Variants in DCHS2 observed in about 807,000 individuals in gnomAD.
DCHS2 encodes dachsous cadherin-related 2.
A neutral mutation model predicts 182.4 loss-of-function variants in DCHS2; 142 were observed. The observed-to-expected ratio is 0.78, with a 90% CI of 0.68 to 0.89. DCHS2 has a LOEUF of 0.89. Ranked by LOEUF, DCHS2 falls within the 40% of genes least tolerant of loss-of-function variation. DCHS2 has a pLI of 0.00. For missense variants in DCHS2, 4,319 were observed against 4,198.6 expected, an observed-to-expected ratio of 1.03 and a Z score of -0.79; for synonymous variants, 1,740 against 1,663.3, an observed-to-expected ratio of 1.05 and a Z score of -1.12.
Position 154,431,516 on chromosome 4 carries a change from T to C in DCHS2, c.2053-54072A>G, listed in dbSNP as rs1733558788. On this transcript the variant is annotated intron_variant, in intron 1 of 19. Transcript: ENST00000357232. ...TTATATTTTCTTATTCCTTATATTA[T>C]TGTATATAGGAATACTCCTGAGTTT... Among the ~76,000 whole-genome samples, 3 of 152,158 alleles carry C rather than the reference T, an allele frequency of 2.0e-5. No individual in the cohort carries two copies. In the South Asian group the frequency reaches 6.2e-4, roughly 31 times the overall value.
At chr4:154,376,015 A>C (rs1730874871) in intron 2 of DCHS2, among the ~76,000 whole-genome samples, 1 of 152,146 alleles carries the variant, frequency 6.6e-6, no homozygotes. Flanking sequence ...AAGTTAAAAA[A>C]ATTGGTATAC....
chr4:154,487,370 A>G (rs1210480434), intron 1 of DCHS2, among the ~76,000 whole-genome samples: 1 of 152,192 alleles, frequency 6.6e-6, no homozygotes, highest in African/African-American at 2.4e-5. Flanking sequence ...AGTCACTCTC[A>G]GGCCTGGCTC....
chr4:154,319,656 T>TAAAAAA (rs59154846), intron 9 of DCHS2, among the ~76,000 whole-genome samples: 7 of 116,940 alleles, frequency 6.0e-5, no homozygotes, highest in Non-Finnish European at 8.8e-5. Context: ...TGGCTGTTAC[T>TAAAAAA]AAAAAAAAAA....
chr4:154,239,368 A>G, intron 18 of DCHS2, 66 bp from the exon 19 acceptor site: 1 of 1,597,754 alleles, frequency 6.3e-7, no homozygotes, highest in South Asian at 1.1e-5. Flanking sequence ...ACCAACAGGG[A>G]CAGAACATGA....
chr4:154,240,637 A>G lies in DCHS2; in HGVS notation c.7259T>C (p.Ile2420Thr), dbSNP rs1731771423. The change falls in exon 18 of 20, where the codon ATC becomes ACC. Residue 2420 changes from isoleucine to threonine, a missense_variant. Physicochemically the swap from Ile to Thr is moderately conservative, Grantham distance 89. Transcript: ENST00000357232. Reference protein sequence around the residue: ...FEEMTEYELLIQISDSVHYTE... With the variant: ...FEEMTEYELLTQISDSVHYTE... ...GTAGTGCACTGAATCAGAAATTTGG[A>G]TGAGCAGCTCATATTCAGTCATTTC... 6.2e-7 allele frequency: 1 copy of G among 1,613,954 alleles called. No individual in the cohort carries two copies. The highest frequency in any genetic ancestry group is 2.2e-5 in the East Asian group (1 of 44,832).
At chr4:154,360,996 G>A (rs1730092604) in intron 3 of DCHS2, among the ~76,000 whole-genome samples, 1 of 152,154 alleles carries the variant, frequency 6.6e-6, no homozygotes, top group African/African-American at 2.4e-5. Flanking sequence ...AACACGGCCT[G>A]CTGCATCATA....
At chr4:154,351,628 T>C (rs1435637114) in intron 3 of DCHS2, among the ~76,000 whole-genome samples, 3 of 152,112 alleles carry the variant, frequency 2.0e-5, no homozygotes, top group African/African-American at 7.2e-5. Context: ...TGGAAGACAA[T>C]TTTTCCACAG....
chr4:154,259,899 T>A, intron 14 of DCHS2, 143 bp from the exon 15 acceptor site: 2 of 986,632 alleles, frequency 2.0e-6, no homozygotes, highest in Non-Finnish European at 2.8e-6. Flanking sequence ...CTCGGCTCAC[T>A]GCAACCTACG....
At chr4:154,447,738 T>C (rs1163986042) in intron 1 of DCHS2, among the ~76,000 whole-genome samples, 1 of 152,186 alleles carries the variant, frequency 6.6e-6, no homozygotes, top group East Asian at 1.9e-4. Flanking sequence ...TTAAAACTAT[T>C]ATATGATGGT....
In DCHS2 at chr4:154,236,147, A is replaced by T. The variant is rs1346193423; in HGVS notation, c.8505T>A (p.His2835Gln). ...TTTCATAGTCAAGGATTTGCTTAGC[A>T]TGAATATCCCCTGTCAAAGGGTCAA... ...FLIDPLTGDIHAKQILDYENG... is the reference protein window; with the variant it reads ...FLIDPLTGDIQAKQILDYENG... The change falls in exon 20 of 20, where the codon CAT becomes CAA. Residue 2835 changes from histidine (H) to glutamine (Q), a missense_variant. Coordinates refer to ENST00000357232, the MANE Select transcript of DCHS2 (RefSeq NM_001358235.2). 6.2e-7 allele frequency: 1 copy of T among 1,613,708 alleles called. No individual in the cohort carries two copies. Among genetic ancestry groups the T allele is most frequent in the Non-Finnish European group, 8.5e-7 (1 of 1,179,970 alleles).
chr4:154,490,582 C>T lies in DCHS2; in HGVS notation c.774G>A (p.Glu258=). The T allele has an allele frequency of 1.3e-6, 2 of 1,545,106 alleles. No homozygotes were observed. The highest frequency in any genetic ancestry group is 2.7e-5 in the African/African-American group (2 of 73,142). Reference sequence around the variant, plus strand: ...CGATCTGCAGCCGGTGCGCCGCCGCCTCCTCTCGGTCCAAGCGCCGCAGCA... The same window carrying T: ...CGATCTGCAGCCGGTGCGCCGCCGCTTCCTCTCGGTCCAAGCGCCGCAGCA... ...LVLLRRLDRE[E]AAAHRLQIEA... is the part of the protein sequence containing the mutation. The change falls in exon 1 of 20, where the codon GAG becomes GAA. Residue 258 remains glutamate, a synonymous_variant. Coordinates refer to ENST00000357232, the MANE Select transcript of DCHS2 (RefSeq NM_001358235.2).
intron 13 of DCHS2, among the ~76,000 whole-genome samples, chr4:154,293,155 G>T (rs993536293): frequency 1.3e-5 from 2 of 151,912 alleles, no homozygotes; most frequent in African/African-American, 4.8e-5. Flanking sequence ...TACCTTCAAC[G>T]ATTACCATTT....
In DCHS2 at chr4:154,320,601, G is replaced by A. The variant is rs768619646; in HGVS notation, c.4798C>T (p.Arg1600Ter). The change falls in exon 9 of 20, where the codon CGA becomes TGA. Residue 1600 changes from arginine (R) to a stop codon, truncating the protein, a stop_gained. Coordinates refer to ENST00000357232, the MANE Select transcript of DCHS2 (RefSeq NM_001358235.2). LOFTEE classifies it high-confidence loss of function. ...SDQAVNVTDRRLRSLTAQIVI... is the reference protein window; with the variant it reads ...SDQAVNVTDR ...ATTTGTGCTGTCAGTGATCTCAGTC[G>A]CCGGTCTGTCACATTCACAGCCTGA... The A allele has an allele frequency of 3.1e-6, 5 of 1,613,964 alleles. No individual in the cohort carries two copies. The highest frequency in any genetic ancestry group is 1.3e-5 in the African/African-American group (1 of 74,906).
At chr4:154,270,054 A>C in intron 13 of DCHS2, 41 bp from the exon 14 acceptor site, 1 of 1,560,486 alleles carries the variant, frequency 6.4e-7, no homozygotes. Context: ...TTAGGATAAA[A>C]AAATTTCATG....
At position 154,489,327 on chromosome 4, in the gene DCHS2, G is replaced by A. The variant is rs1197891460; in HGVS notation, c.2029C>T (p.Pro677Ser). The stretch of plus-strand genomic sequence containing the variant: ...ACCTGCAGAAAGCAGTGTCCAACCG[G>A]GGCATGCTCTGCAATGGTGGCATTG... The part of the protein sequence containing the change: ...VYNATIAEHA[P>S]VGHCFLQVTA... Residue 677 changes from proline (P) to serine (S), a missense_variant, in exon 1 of 20, where the codon CCG becomes TCG. Coordinates refer to ENST00000357232, the MANE Select transcript of DCHS2 (RefSeq NM_001358235.2). The A allele has an allele frequency of 1.3e-6, 2 of 1,532,530 alleles. No individual in the cohort carries two copies. Among genetic ancestry groups the A allele is most frequent in the African/African-American group, 1.4e-5 (1 of 72,764 alleles). 94.9% of individuals were successfully genotyped at this position (1,532,530 alleles called of 1,614,324 possible). A position where few individuals can be genotyped will look rare whatever the true frequency, so the allele number is the denominator to read the frequency against.
intron 3 of DCHS2, among the ~76,000 whole-genome samples, chr4:154,337,681 T>G (rs1728873828): frequency 6.6e-6 from 1 of 152,128 alleles, no homozygotes; most frequent in Non-Finnish European, 1.5e-5. Context: ...CTGCGTCCTC[T>G]TCCCAGAACA....
intron 15 of DCHS2, among the ~76,000 whole-genome samples, chr4:154,258,391 T>TTTG (rs1732807383): frequency 6.8e-6 from 1 of 147,244 alleles, no homozygotes; most frequent in Non-Finnish European, 1.5e-5. Context: ...TTTTTTTTTT[T>TTTG]TGTGAGATTG....
At chr4:154,325,390 A>G (rs925292396) in intron 7 of DCHS2, among the ~76,000 whole-genome samples, 1 of 150,750 alleles carries the variant, frequency 6.6e-6, no homozygotes, top group African/African-American at 2.5e-5. Context: ...ATTGTCCTTC[A>G]CAGGTACACT....
intron 1 of DCHS2, among the ~76,000 whole-genome samples, chr4:154,458,554 T>C (rs1196010493): frequency 2.6e-5 from 4 of 152,190 alleles, no homozygotes; most frequent in Non-Finnish European, 5.9e-5. Flanking sequence ...TCAGGACTCA[T>C]GAAATTCTAA....
Sources: gnomAD v4.1 joint callset for allele counts (sites outside exome capture counted in the v4.1 genomes callset) on GRCh38, gnomAD v4.1.1 for gene constraint, MANE v1.5 for transcripts, NCBI Gene and HGNC (gene_info 2026-07-23, HGNC 2026-07-21) for gene names.